The following TNN variants were observed in gnomAD, a reference collection of about 807,000 sequenced individuals.
TNN encodes tenascin-N.
Under a neutral mutation model 134.4 loss-of-function variants are expected in TNN, and 122 were observed. That is an observed-to-expected ratio of 0.91 (90% CI 0.78 to 1.06). The LOEUF is 1.06. Ranked by LOEUF, TNN falls within the 50% of genes least tolerant of loss-of-function variation. The pLI, the probability that TNN is intolerant of heterozygous loss-of-function variation, is 0.00. For missense variants in TNN, 1,739 were observed against 1,699.4 expected (o/e 1.02, Z -0.41); for synonymous variants, 710 against 670.3 (o/e 1.06, Z -0.91).
intron 6 of TNN, among the ~76,000 whole-genome samples, chr1:175,087,247 A>G (rs775749000): frequency 3.9e-5 from 6 of 152,240 alleles, no homozygotes; most frequent in Non-Finnish European, 5.9e-5. Context: ...GGACTTCAAT[A>G]TTTAAATGGG....
At chr1:175,076,684 G>A (rs968525720) in intron 1 of TNN, among the ~76,000 whole-genome samples, 3 of 152,194 alleles carry the variant, frequency 2.0e-5, no homozygotes, top group African/African-American at 7.2e-5. Flanking sequence ...CTGAGTACAG[G>A]TTCTGCTCTT....
In TNN at chr1:175,080,499, C is replaced by T. The variant is rs547983520; in HGVS notation, c.1048+73C>T. ...CTAAATGGTTTCTTTCATTAAACAC[C>T]TGTAGGCAGTTGCCTTGATTAGGGG... On this transcript the variant is annotated intron_variant, in intron 4 of 18. Coordinates refer to ENST00000239462, the MANE Select transcript of TNN (RefSeq NM_022093.2). The T allele has an allele frequency of 9.8e-4, 1,543 of 1,568,886 alleles. 4 individuals carry two copies. The highest frequency in any genetic ancestry group is 3.8e-3 in the South Asian group (322 of 85,528).
In TNN at chr1:175,147,060, C is replaced by G. The variant is rs752617890; in HGVS notation, c.3889C>G (p.Arg1297Gly). 1 of 1,579,732 alleles carries G rather than the reference C, an allele frequency of 6.3e-7. No homozygotes were observed. Among genetic ancestry groups the G allele is most frequent in the Non-Finnish European group, 8.6e-7 (1 of 1,162,990 alleles). The change falls in exon 19 of 19, where the codon CGA (arginine) becomes GGA (glycine). Residue 1297 changes from arginine to glycine, a missense_variant. Physicochemically the swap from Arg to Gly is moderately radical, Grantham distance 125. Transcript: ENST00000239462. ...RKKRTLRGRL[R>G]TF ...GAAGCGGACGCTGAGAGGAAGGCTGCGAACGTTCTGATGGCCCGTGTGAGC... is the reference window on the plus strand; with the variant it reads ...GAAGCGGACGCTGAGAGGAAGGCTGGGAACGTTCTGATGGCCCGTGTGAGC...
intron 1 of TNN, among the ~76,000 whole-genome samples, chr1:175,068,960 G>A (rs1261965828): frequency 6.6e-6 from 1 of 152,110 alleles, no homozygotes; most frequent in South Asian, 2.1e-4. Context: ...GTTTTTGGAG[G>A]TCTTACTTTT....
At chr1:175,146,674 C>T (rs1039454701) in intron 18 of TNN, among the ~76,000 whole-genome samples, 37 of 152,194 alleles carry the variant, frequency 2.4e-4, no homozygotes, top group African/African-American at 8.4e-4. Flanking sequence ...CCCTTGCTCC[C>T]ACCATAGAGA....
At position 175,130,140 on chromosome 1, in the gene TNN, A is replaced by G. The variant is rs116021897; in HGVS notation, c.3330+1394A>G. Among the ~76,000 whole-genome samples the G allele has an allele frequency of 7.6e-4, 116 of 152,278 alleles. 2 individuals are homozygous for G. The highest frequency in any genetic ancestry group is 2.7e-3 in the African/African-American group (113 of 41,554). ...GAATGATAAAGACTCTCACTGCTCC[A>G]AGCCAGCATGCAGCCTTAACCTGCT... On this transcript the variant is annotated intron_variant, in intron 15 of 18. Transcript: ENST00000239462.
intron 1 of TNN, among the ~76,000 whole-genome samples, chr1:175,073,784 T>C (rs934597789): frequency 6.6e-6 from 1 of 152,238 alleles, no homozygotes; most frequent in African/African-American, 2.4e-5. Context: ...TGGTGAATGC[T>C]TCCAGTGCTG....
chr1:175,109,038 C>G (rs1674945802), intron 9 of TNN, among the ~76,000 whole-genome samples: 1 of 146,490 alleles, frequency 6.8e-6, no homozygotes, highest in Admixed American at 6.8e-5. Context: ...ACTGTGCTAT[C>G]AAACACTAGA....
chr1:175,071,651 T>G (rs751348033), intron 1 of TNN, among the ~76,000 whole-genome samples: 2 of 152,204 alleles, frequency 1.3e-5, no homozygotes, highest in African/African-American at 2.4e-5. Context: ...AACAGACAGA[T>G]GAAGAACACA....
At chr1:175,106,913 G>A (rs763743894) in intron 9 of TNN, among the ~76,000 whole-genome samples, 13 of 145,736 alleles carry the variant, frequency 8.9e-5, no homozygotes, top group Admixed American at 1.4e-4. Flanking sequence ...TTAGTCCGGC[G>A]GCCCGCTAGT....
chr1:175,140,942 G>A (rs1362235622), intron 17 of TNN, among the ~76,000 whole-genome samples: 1 of 152,132 alleles, frequency 6.6e-6, no homozygotes, highest in East Asian at 1.9e-4. Flanking sequence ...TCAAATGGAA[G>A]GTGAATATTT....
Position 175,080,479 on chromosome 1 carries a change from T to TG in TNN, c.1048+55dup. ...TTCCCAGGAGAGGCCCCATTCTAAA[T>TG]GGTTTCTTTCATTAAACACCTGTAG... On this transcript the variant is annotated intron_variant, in intron 4 of 18. Transcript: ENST00000239462. The TG allele has an allele frequency of 3.7e-6, 6 of 1,603,034 alleles. No homozygotes were observed. In the South Asian group the frequency reaches 6.7e-5, roughly 18 times the overall value.
At chr1:175,099,296 G>A (rs138041294) in intron 9 of TNN, among the ~76,000 whole-genome samples, 23 of 152,258 alleles carry the variant, frequency 1.5e-4, no homozygotes, top group African/African-American at 4.3e-4. Flanking sequence ...TATCTTTGGC[G>A]TTGCTGGGAG....
At chr1:175,115,621 G>A (rs1271452873) in intron 9 of TNN, among the ~76,000 whole-genome samples, 2 of 152,046 alleles carry the variant, frequency 1.3e-5, no homozygotes, top group African/African-American at 2.4e-5. Flanking sequence ...GGGGTGAATG[G>A]CTACTCACCC....
At chr1:175,076,062 CTG>C (rs1674032226) in intron 1 of TNN, among the ~76,000 whole-genome samples, 1 of 152,188 alleles carries the variant, frequency 6.6e-6, no homozygotes, top group African/African-American at 2.4e-5. Context: ...TATCTTGTGA[CTG>C]AGGTTCCTGT....
chr1:175,081,074 C>T (rs1017818205), intron 4 of TNN, among the ~76,000 whole-genome samples: 1 of 152,102 alleles, frequency 6.6e-6, no homozygotes, highest in Non-Finnish European at 1.5e-5. Context: ...TGTCTCCTGC[C>T]CTCTGATCTG....
At chr1:175,081,557 G>A (rs1441045382) in intron 4 of TNN, among the ~76,000 whole-genome samples, 1 of 152,148 alleles carries the variant, frequency 6.6e-6, no homozygotes, top group Non-Finnish European at 1.5e-5. Flanking sequence ...ATGGTGGTGG[G>A]ACTAGGGTGG....
At position 175,128,623 on chromosome 1, in the gene TNN, C is replaced by G; in HGVS notation, c.3207C>G (p.Asp1069Glu). The G allele has an allele frequency of 6.2e-7, 1 of 1,613,366 alleles. No individual in the cohort carries two copies. Among genetic ancestry groups the G allele is most frequent in the East Asian group, 2.2e-5 (1 of 44,800 alleles). Residue 1069 changes from aspartate (D) to glutamate (E), a missense_variant, in exon 15 of 19, where the codon GAC becomes GAG. Coordinates refer to ENST00000239462, the MANE Select transcript of TNN (RefSeq NM_022093.2). ...GTGCCCGTTTCCCACACCCTTCGGA[C>G]TGCAGTCAGGTTCAGCAGAACAGCA... is the stretch of plus-strand genomic sequence containing the variant. Reference protein sequence around the residue: ...TVGARFPHPSDCSQVQQNSNA... With the variant: ...TVGARFPHPSECSQVQQNSNA...
chr1:175,133,949 C>T (rs1675735684), intron 15 of TNN, among the ~76,000 whole-genome samples: 1 of 152,132 alleles, frequency 6.6e-6, no homozygotes, highest in Non-Finnish European at 1.5e-5. Flanking sequence ...GTGTGGAGAA[C>T]CCACCCACAC....
Sources: allele counts gnomAD v4.1 joint callset (sites outside exome capture counted in the v4.1 genomes callset), GRCh38; gene constraint gnomAD v4.1.1; transcripts MANE v1.5; gene names NCBI Gene and HGNC (gene_info 2026-07-23, HGNC 2026-07-21).